The following TRIM66 variants were observed in gnomAD, a reference collection of about 807,000 sequenced individuals.
The protein encoded by TRIM66 is tripartite motif-containing protein 66.
TRIM66 carries 99 observed loss-of-function variants against 148.2 expected under a neutral mutation model. That is an observed-to-expected ratio of 0.67 (90% CI 0.57 to 0.79). The LOEUF (loss-of-function observed/expected upper bound fraction) is 0.79. Among genes scored for constraint, TRIM66 ranks in the 30% least tolerant of loss-of-function variants. The probability of loss-of-function intolerance (pLI) is 0.00; values close to 1 mark genes in which losing one functional copy is unlikely to be tolerated. For synonymous variants in TRIM66, 616 were observed against 635.9 expected (o/e 0.97, Z 0.47); for missense variants, 1,666 against 1,697.9 (o/e 0.98, Z 0.33).
At chr11:8,620,388 G>A (rs1446136379) in intron 21 of TRIM66, 58 bp downstream of exon 21, 2 of 1,546,344 alleles carry the variant, frequency 1.3e-6, no homozygotes, top group African/African-American at 1.4e-5. Flanking sequence ...CTCAGACCCT[G>A]TAGGCAGAAG....
rs1402841877 is a variant in TRIM66, at chr11:8,625,111, C to A, written c.2428G>T (p.Gly810Cys). ...AGGCTTGGTACTGCCTGGGGGGCAC[C>A]AGCTGTCAGGTTGCTCACACTCTGG... is the stretch of plus-strand genomic sequence containing the variant. ...QIQSVSNLTA[G>C]APQAVPSLLS... is the part of the protein sequence containing the mutation. The change falls in exon 16 of 25, where the codon GGT (glycine) becomes TGT (cysteine). Residue 810 changes from glycine (G) to cysteine (C), a missense_variant. Physicochemically the swap from Gly to Cys is radical, Grantham distance 159 (BLOSUM62 -3). Coordinates refer to ENST00000646038, the MANE Select transcript of TRIM66 (RefSeq NM_001388022.1). The A allele has an allele frequency of 7.7e-6, 12 of 1,551,554 alleles. No individual in the cohort carries two copies. The highest frequency in any genetic ancestry group is 1.0e-5 in the Non-Finnish European group (12 of 1,146,976).
At chr11:8,638,597 G>A (rs2036097378) in intron 15 of TRIM66, 57 bp downstream of exon 15, 3 of 1,521,926 alleles carry the variant, frequency 2.0e-6, no homozygotes, top group African/African-American at 2.8e-5. Flanking sequence ...CCAAGTGCCT[G>A]GGGTCTTGGC....
At chr11:8,672,161 G>A (rs900134547) in intron 5 of TRIM66, 63 bp from the exon 6 acceptor site, 2 of 1,531,734 alleles carry the variant, frequency 1.3e-6, no homozygotes, top group African/African-American at 2.8e-5. Context: ...TCTTAGGCCA[G>A]AGGGGCCTTC....
chr11:8,630,230 G>A (rs980385220), intron 15 of TRIM66, among the ~76,000 whole-genome samples: 1 of 152,170 alleles, frequency 6.6e-6, no homozygotes, highest in Non-Finnish European at 1.5e-5. Context: ...TTGGAAAAGG[G>A]CTTGAGAGCG....
rs765227928 is a variant in TRIM66, at chr11:8,612,428, A to G, written c.*5516T>C. ...TTTACAGCTGGAGAGCTGAGAGATC[A>G]CTGTTCTCAGCCATTCTCCCACCAC... On this transcript the variant is annotated 3_prime_UTR_variant, in exon 25 of 25. Coordinates refer to ENST00000646038, the MANE Select transcript of TRIM66 (RefSeq NM_001388022.1). The G allele has an allele frequency of 5.3e-5, 8 of 152,194 alleles. No individual in the cohort carries two copies. Among genetic ancestry groups the G allele is most frequent in the Non-Finnish European group, 1.0e-4 (7 of 68,050 alleles). The allele number at this position is 152,194 out of a possible 1,614,324, so 9.4% of individuals were successfully genotyped here. A position where few individuals can be genotyped will look rare whatever the true frequency, so the allele number is the denominator to read the frequency against.
In TRIM66 at chr11:8,641,170, A is replaced by C; in HGVS notation, c.1223-18T>G. On this transcript the variant is annotated intron_variant, in intron 13 of 24. Coordinates refer to ENST00000646038, the MANE Select transcript of TRIM66 (RefSeq NM_001388022.1). ...TATGCAGCCTGAAAATGCAGAATAG[A>C]GAGTTTTTCAAAAGTTTTTCAAGTT... 1 of 1,532,916 alleles carries C rather than the reference A, an allele frequency of 6.5e-7. No homozygotes were observed. The highest frequency in any genetic ancestry group is 1.2e-5 in the South Asian group (1 of 82,996). The allele number at this position is 1,532,916 out of a possible 1,614,324, so 95.0% of individuals were successfully genotyped here. A position where few individuals can be genotyped will look rare whatever the true frequency, so the allele number is the denominator to read the frequency against.
rs79679142 is a variant in TRIM66, at chr11:8,672,337, C to G, written c.-63G>C. On this transcript the variant is annotated 5_prime_UTR_variant, in exon 5 of 25. Transcript: ENST00000646038. ...TTTGTCTGAAGGCGAACAAACCCTTCAAAAGTGTCCCGTACCTGTGCCTCT... is the reference window on the plus strand; with the variant it reads ...TTTGTCTGAAGGCGAACAAACCCTTGAAAAGTGTCCCGTACCTGTGCCTCT... 2 of 1,535,584 alleles carry G rather than the reference C, an allele frequency of 1.3e-6. No individual in the cohort carries two copies. The highest frequency in any genetic ancestry group is 3.9e-5 in the Admixed American group (2 of 50,886).
intron 6 of TRIM66, chr11:8,654,476 C>A (rs1473627020): frequency 6.6e-6 from 1 of 152,252 alleles, no homozygotes. Context: ...TCAATTTCCC[C>A]CGGGATGAGT....
At position 8,617,916 on chromosome 11, in the gene TRIM66, G is replaced by C. The variant is rs574648291; in HGVS notation, c.*28C>G. On this transcript the variant is annotated 3_prime_UTR_variant, in exon 25 of 25. Coordinates refer to ENST00000646038, the MANE Select transcript of TRIM66 (RefSeq NM_001388022.1). ...TGGTCGACAGTATGGGACAACAGCT[G>C]CCAGAGTGCCCAGTCTCCTTTTGGC... The C allele has an allele frequency of 6.4e-7, 1 of 1,550,496 alleles. No homozygotes were observed. The highest frequency in any genetic ancestry group is 1.4e-5 in the African/African-American group (1 of 73,032).
intron 7 of TRIM66, 30 bp downstream of exon 7, chr11:8,651,770 T>A: frequency 6.6e-7 from 1 of 1,526,186 alleles, no homozygotes; most frequent in Non-Finnish European, 8.9e-7. Context: ...CTGAAAAAGA[T>A]CAGCTGCTTC....
chr11:8,658,626 T>C (rs1167547115), intron 6 of TRIM66: 1 of 311,622 alleles, frequency 3.2e-6, no homozygotes, highest in Non-Finnish European at 4.7e-6. Context: ...CAATCCAGAA[T>C]GGAATAACAG....
At chr11:8,664,972 A>T (rs964296591) in intron 6 of TRIM66, among the ~76,000 whole-genome samples, 3 of 152,180 alleles carry the variant, frequency 2.0e-5, no homozygotes, top group Non-Finnish European at 4.4e-5. Flanking sequence ...CCCAGCAAGT[A>T]GGAGAAACAG....
chr11:8,619,067 T>A (rs2033950808), intron 23 of TRIM66, 99 bp from the exon 24 acceptor site: 2 of 1,066,898 alleles, frequency 1.9e-6, no homozygotes, highest in Middle Eastern at 2.1e-4. Context: ...CCTAGCGGGG[T>A]GTCCTGAGGT....
intron 6 of TRIM66, among the ~76,000 whole-genome samples, chr11:8,667,451 A>AT (rs1428678369): frequency 3.3e-5 from 5 of 152,216 alleles, no homozygotes; most frequent in Non-Finnish European, 7.3e-5. Flanking sequence ...TGCAAATCAT[A>AT]TATCTAATAA....
chr11:8,632,429 T>G (rs963713723), intron 15 of TRIM66, among the ~76,000 whole-genome samples: 1 of 151,708 alleles, frequency 6.6e-6, no homozygotes, highest in East Asian at 1.9e-4. Flanking sequence ...CTAACTTTTC[T>G]AGTAAGCAGT....
At position 8,640,908 on chromosome 11, in the gene TRIM66, G is replaced by T; in HGVS notation, c.1467C>A (p.Ala489=). ...GQVPPPSIHP[A]HSFRQPPEMV... is the part of the protein sequence containing the mutation. The stretch of plus-strand genomic sequence containing the variant: ...TCTCAGGGGGCTGCCTGAAGCTGTG[G>T]GCTGGGTGTATGCTGGGTGGGGGGA... The change falls in exon 14 of 25, where the codon GCC becomes GCA. Residue 489 remains alanine (A), a synonymous_variant. Coordinates refer to ENST00000646038, the MANE Select transcript of TRIM66 (RefSeq NM_001388022.1). 1 of 1,550,760 alleles carries T rather than the reference G, an allele frequency of 6.4e-7. No individual in the cohort carries two copies. Among genetic ancestry groups the T allele is most frequent in the Non-Finnish European group, 8.7e-7 (1 of 1,146,920 alleles).
chr11:8,621,642 T>C lies in TRIM66; in HGVS notation c.3255+3A>G, dbSNP rs1476474433. Reference sequence around the variant, plus strand: ...TTAAGGCCAAGGCAAAGCAAAGTGGTACCTTAATGGACATGCTGGAGGACT... The same window carrying C: ...TTAAGGCCAAGGCAAAGCAAAGTGGCACCTTAATGGACATGCTGGAGGACT... On this transcript the variant is annotated splice_donor_region_variant and intron_variant, in intron 19 of 24. Coordinates refer to ENST00000646038, the MANE Select transcript of TRIM66 (RefSeq NM_001388022.1). The C allele has an allele frequency of 3.9e-6, 6 of 1,520,264 alleles. No individual in the cohort carries two copies. The African/African-American group carries it at 8.4e-5, about 21-fold the overall frequency. The allele number at this position is 1,520,264 out of a possible 1,614,324, so 94.2% of individuals were successfully genotyped here.
At chr11:8,621,415 A>G in intron 19 of TRIM66, 94 bp from the exon 20 acceptor site, 2 of 1,435,506 alleles carry the variant, frequency 1.4e-6, no homozygotes, top group Non-Finnish European at 1.8e-6. Flanking sequence ...GCATGCCTAC[A>G]TGAGAGCCAC....
Position 8,612,085 on chromosome 11 carries a change from G to C in TRIM66, c.*5859C>G, listed in dbSNP as rs1014703103. 2.6e-5 allele frequency: 4 copies of C among 152,068 alleles called. No homozygotes were observed. Among genetic ancestry groups the C allele is most frequent in the African/African-American group, 9.7e-5 (4 of 41,394 alleles). The allele number at this position is 152,068 out of a possible 1,614,324, so 9.4% of individuals were successfully genotyped here. Reference sequence around the variant, plus strand: ...TTTTTATTTGTTCTTGAATGTATAGGTTCTTTTAAAATCAGCTATACTTCC... The same window carrying C: ...TTTTTATTTGTTCTTGAATGTATAGCTTCTTTTAAAATCAGCTATACTTCC... On this transcript the variant is annotated 3_prime_UTR_variant, in exon 25 of 25. Coordinates refer to ENST00000646038, the MANE Select transcript of TRIM66 (RefSeq NM_001388022.1).
Sources: gnomAD v4.1 joint callset for allele counts (sites outside exome capture counted in the v4.1 genomes callset) on GRCh38, gnomAD v4.1.1 for gene constraint, MANE v1.5 for transcripts, NCBI Gene and HGNC (gene_info 2026-07-23, HGNC 2026-07-21) for gene names.